Variants in PTK6 observed in about 807,000 individuals in gnomAD.
The protein encoded by PTK6 is protein tyrosine kinase 6.
Under a neutral mutation model 47.5 loss-of-function variants are expected in PTK6, and 47 were observed. That is an observed-to-expected ratio of 0.99 (90% CI 0.78 to 1.26). PTK6 has a LOEUF of 1.26. Among genes scored for constraint, PTK6 ranks in the 50% most tolerant of loss-of-function variants. PTK6 has a pLI of 0.00. For missense variants in PTK6, 618 were observed against 625.3 expected (o/e 0.99, Z 0.12); for synonymous variants, 287 against 276.5 (o/e 1.04, Z -0.38).
At position 63,537,203 on chromosome 20, in the gene PTK6, C is replaced by A; in HGVS notation, c.112G>T (p.Ala38Ser). Reference sequence around the variant, plus strand: ...CACCACCACTGCTCCTCCTTCCTGGCCACGTGGAAGACGTCCCCCGCGCGG... The same window carrying A: ...CACCACCACTGCTCCTCCTTCCTGGACACGTGGAAGACGTCCCCCGCGCGG... Reference protein sequence around the residue: ...SFRAGDVFHVARKEEQWWWAT... With the variant: ...SFRAGDVFHVSRKEEQWWWAT... Residue 38 changes from alanine (A) to serine (S), a missense_variant, in exon 1 of 8, where the codon GCC (alanine) becomes TCC (serine). Transcript: ENST00000542869. 1 of 1,612,326 alleles carries A rather than the reference C, an allele frequency of 6.2e-7. No homozygotes were observed. Among genetic ancestry groups the A allele is most frequent in the Non-Finnish European group, 8.5e-7 (1 of 1,179,798 alleles).
At chr20:63,532,430 C>T (rs2082632088) in intron 5 of PTK6, 96 bp downstream of exon 5, 9 of 1,286,038 alleles carry the variant, frequency 7.0e-6, no homozygotes, top group African/African-American at 1.5e-5. Context: ...TGTGTGTCTA[C>T]GTGTGTGTGT....
At chr20:63,536,969 A>G (rs1260003564) in intron 1 of PTK6, 116 bp downstream of exon 1, 1 of 1,107,116 alleles carries the variant, frequency 9.0e-7, no homozygotes, top group Non-Finnish European at 1.3e-6. Context: ...GGGTGCAGGA[A>G]GATGGAACCG....
chr20:63,534,127 G>T, intron 3 of PTK6, 25 bp downstream of exon 3: 1 of 1,524,842 alleles, frequency 6.6e-7, no homozygotes, highest in South Asian at 1.2e-5. Context: ...GACCCCGCGT[G>T]ACCAAGTCAG....
At position 63,529,823 on chromosome 20, in the gene PTK6, C is replaced by A; in HGVS notation, c.1169-100G>T. 1 of 1,322,688 alleles carries A rather than the reference C, an allele frequency of 7.6e-7. No homozygotes were observed. Among genetic ancestry groups the A allele is most frequent in the East Asian group, 2.5e-5 (1 of 39,614 alleles). 81.9% of individuals were successfully genotyped at this position (1,322,688 alleles called of 1,614,324 possible). On this transcript the variant is annotated intron_variant, in intron 7 of 7. Transcript: ENST00000542869. The surrounding 1 kb of genome is among the most constrained non-coding windows in gnomAD (Gnocchi z 5.6). ...CTGCCCCTTCCTGGGGCCTTCCCCG[C>A]AGCCTCAGCTGCCATGCCTTGGCGC...
rs1288221265 is a variant in PTK6 at position 63,533,888 on chromosome 20, C to A, written c.517-184G>T. On this transcript the variant is annotated intron_variant, in intron 3 of 7. Transcript: ENST00000542869. The surrounding 1 kb of genome is among the most constrained non-coding windows in gnomAD (Gnocchi z 4.0). ...GGGCTGCCCCCAGCCCAGCATGAAA[C>A]ACCCAGACAGACCGGAGCCAGGACC... Among the ~76,000 whole-genome samples, 1 of 152,134 alleles carries A rather than the reference C, an allele frequency of 6.6e-6. No homozygotes were observed. Among genetic ancestry groups the A allele is most frequent in the East Asian group, 1.9e-4 (1 of 5,176 alleles).
Position 63,528,839 on chromosome 20 carries a change from C to T in PTK6, c.*697G>A, listed in dbSNP as rs145216924. 5,494 of 152,446 alleles carry T rather than the reference C, an allele frequency of 0.036. 187 individuals are homozygous for T. The highest frequency in any genetic ancestry group is 0.11 in the South Asian group (540 of 4,820). The allele number at this position is 152,446 out of a possible 1,614,324, so 9.4% of individuals were successfully genotyped here. Reference sequence around the variant, plus strand: ...GGTGCAAAGGAGGCAGCCCCCCCAGCCCGGAACCACCCCACAGACAGTAGA... The same window carrying T: ...GGTGCAAAGGAGGCAGCCCCCCCAGTCCGGAACCACCCCACAGACAGTAGA... On this transcript the variant is annotated 3_prime_UTR_variant, in exon 8 of 8. Coordinates refer to ENST00000542869, the MANE Select transcript of PTK6 (RefSeq NM_005975.4).
In PTK6 at chr20:63,530,736, A is replaced by T; in HGVS notation, c.1014+10T>A. ...GCCACGACCCCAGCCACGCCCTCTG[A>T]GGGCCCTACCTTGATAAGCCTGGCT... On this transcript the variant is annotated intron_variant, in intron 6 of 7. Transcript: ENST00000542869. This position sits in a 1 kb window ranked among gnomAD's most constrained non-coding sequence, Gnocchi z 4.1. The T allele has an allele frequency of 6.2e-7, 1 of 1,612,706 alleles. No individual in the cohort carries two copies. The highest frequency in any genetic ancestry group is 8.5e-7 in the Non-Finnish European group (1 of 1,179,500).
chr20:63,537,283 G>C lies in PTK6; in HGVS notation c.32C>G (p.Pro11Arg), dbSNP rs1162023523. The C allele has an allele frequency of 1.2e-6, 2 of 1,612,022 alleles. No homozygotes were observed. Among genetic ancestry groups the C allele is most frequent in the Admixed American group, 1.7e-5 (1 of 59,974 alleles). ...GAAGTCCCAGAGGCCCACATACTTG[G>C]GGCCCAGGTGAGCCTGGTCCCGGGA... MVSRDQAHLGPKYVGLWDFKS... is the reference protein window; with the variant it reads MVSRDQAHLGRKYVGLWDFKS... Residue 11 changes from proline (P) to arginine (R), a missense_variant, in exon 1 of 8, where the codon CCC becomes CGC. By Grantham distance (103) the Pro-to-Arg change is moderately radical. Coordinates refer to ENST00000542869, the MANE Select transcript of PTK6 (RefSeq NM_005975.4).
At position 63,537,166 on chromosome 20, in the gene PTK6, A is replaced by G. The variant is rs2145979302; in HGVS notation, c.149T>C (p.Leu50Pro). 1 of 1,612,304 alleles carries G rather than the reference A, an allele frequency of 6.2e-7. No homozygotes were observed. The highest frequency in any genetic ancestry group is 2.2e-5 in the East Asian group (1 of 44,858). ...GGCCACGGCCCCACCCGCCTCGTCC[A>G]GCAGCGTGGCCCACCACCACTGCTC... Reference protein sequence around the residue: ...KEEQWWWATLLDEAGGAVAQG... With the variant: ...KEEQWWWATLPDEAGGAVAQG... The change falls in exon 1 of 8, where the codon CTG becomes CCG. Residue 50 changes from leucine (L) to proline (P), a missense_variant. Leu to Pro is a moderately conservative substitution (Grantham distance 98, BLOSUM62 -3). Coordinates refer to ENST00000542869, the MANE Select transcript of PTK6 (RefSeq NM_005975.4).
At chr20:63,531,520 C>G (rs1469863623) in intron 5 of PTK6, among the ~76,000 whole-genome samples, 6 of 144,406 alleles carry the variant, frequency 4.2e-5, no homozygotes, top group African/African-American at 1.6e-4. Context: ...GTGGCTGAGG[C>G]AGGAGAATCA....
chr20:63,535,469 A>G (rs1416360050), intron 1 of PTK6, among the ~76,000 whole-genome samples: 1 of 150,374 alleles, frequency 6.7e-6, no homozygotes, highest in African/African-American at 2.5e-5. Context: ...CTGAACACAC[A>G]CGCGCATGTG....
At chr20:63,532,459 G>GGT in intron 5 of PTK6, 67 bp downstream of exon 5, 1 of 1,500,560 alleles carries the variant, frequency 6.7e-7, no homozygotes, top group Non-Finnish European at 9.0e-7. Flanking sequence ...GTGGGGGGGG[G>GGT]GTGTGCACTT....
In PTK6 at chr20:63,533,901, C is replaced by G. The variant is rs532481237; in HGVS notation, c.517-197G>C. On this transcript the variant is annotated intron_variant, in intron 3 of 7. Transcript: ENST00000542869. The surrounding 1 kb of genome is among the most constrained non-coding windows in gnomAD (Gnocchi z 4.0). ...CCCAGCATGAAACACCCAGACAGAC[C>G]GGAGCCAGGACCCTGCAGAGTGCCG... Among the ~76,000 whole-genome samples the G allele has an allele frequency of 2.0e-5, 3 of 152,248 alleles. No homozygotes were observed. In the East Asian group the frequency reaches 5.8e-4, roughly 29 times the overall value.
intron 1 of PTK6, 147 bp from the exon 2 acceptor site, chr20:63,535,206 G>T: frequency 8.1e-7 from 1 of 1,237,856 alleles, no homozygotes; most frequent in Non-Finnish European, 1.1e-6. Context: ...CTCAGGAGCT[G>T]TCGCTGACCC....
intron 1 of PTK6, among the ~76,000 whole-genome samples, chr20:63,535,709 C>T (rs1276589345): frequency 2.0e-5 from 3 of 151,348 alleles, no homozygotes; most frequent in Non-Finnish European, 4.4e-5. Flanking sequence ...ACCCCCTCCA[C>T]TTCCGCACAC....
intron 5 of PTK6, among the ~76,000 whole-genome samples, chr20:63,532,323 A>ATGTCTGTGTGTGCGTGTGTGTCTCTGTG (rs2082629550): frequency 9.1e-6 from 1 of 109,408 alleles, no homozygotes; most frequent in South Asian, 2.3e-4. Flanking sequence ...GTGCATGTGT[A>ATGTCTGTGTGTGCGTGTGTGTCTCTGTG]TGTCTGTGTG....
At chr20:63,534,457 C>T (rs1600936930) in intron 2 of PTK6, 142 bp from the exon 3 acceptor site, 3 of 1,140,804 alleles carry the variant, frequency 2.6e-6, no homozygotes, top group Admixed American at 5.5e-5. Flanking sequence ...CCTGCCTCCC[C>T]TCCCTCAGAA....
intron 2 of PTK6, 77 bp downstream of exon 2, chr20:63,534,861 G>C (rs1399796359): frequency 6.6e-7 from 1 of 1,504,284 alleles, no homozygotes; most frequent in East Asian, 2.4e-5. Context: ...GAGCGAGCCG[G>C]GTTCACCACG....
Position 63,530,896 on chromosome 20 carries a change from C to T in PTK6, c.864G>A (p.Glu288=), listed in dbSNP as rs201188871. The T allele has an allele frequency of 5.0e-6, 8 of 1,613,040 alleles. No homozygotes were observed. Among genetic ancestry groups the T allele is most frequent in the Non-Finnish European group, 5.9e-6 (7 of 1,179,684 alleles). Residue 288 remains glutamate (E), a synonymous_variant, in exon 6 of 8, where the codon GAG becomes GAA. Transcript: ENST00000542869. This position sits in a 1 kb window ranked among gnomAD's most constrained non-coding sequence, Gnocchi z 4.1. ...DSDEKVLPVS[E]LLDIAWQVAE... The stretch of plus-strand genomic sequence containing the variant: ...CCACCTGCCAGGCGATGTCCAGCAG[C>T]TCCGAAACGGGCAGGACTTTCTCAT...
Sources: gnomAD v4.1 joint callset for allele counts (sites outside exome capture counted in the v4.1 genomes callset) on GRCh38, gnomAD v4.1.1 for gene constraint, Gnocchi (gnomAD v3.1) non-coding constraint, MANE v1.5 for transcripts, NCBI Gene and HGNC (gene_info 2026-07-23, HGNC 2026-07-21) for gene names.